The following MAP4K3 variants were observed in gnomAD, a reference collection of about 807,000 sequenced individuals.
MAP4K3 encodes the protein MAPK/ERK kinase kinase kinase 3.
MAP4K3 carries 94 observed loss-of-function variants against 143.5 expected under a neutral mutation model. The observed-to-expected ratio is 0.65, with a 90% CI of 0.55 to 0.78. The LOEUF (loss-of-function observed/expected upper bound fraction) is 0.78. Ranked by LOEUF, MAP4K3 falls within the 30% of genes least tolerant of loss-of-function variation. MAP4K3 has a pLI of 0.00. For missense variants in MAP4K3, 1,077 were observed against 1,068.1 expected, an observed-to-expected ratio of 1.01 and a Z score of -0.12; for synonymous variants, 416 against 347.2, an observed-to-expected ratio of 1.20 and a Z score of -2.20.
chr2:39,424,337 T>C (rs79023187), intron 1 of MAP4K3, among the ~76,000 whole-genome samples: 4,576 of 151,860 alleles, frequency 0.03, 239 homozygotes, highest in African/African-American at 0.1. Context: ...GGAGGGGAAT[T>C]AGAATCAAGG....
At chr2:39,387,938 C>T (rs1666553627) in intron 1 of MAP4K3, among the ~76,000 whole-genome samples, 1 of 152,166 alleles carries the variant, frequency 6.6e-6, no homozygotes, top group Non-Finnish European at 1.5e-5. Context: ...TCAAAAAATG[C>T]ACTTAGCAGA....
chr2:39,252,645 A>C (rs919978538), intron 32 of MAP4K3, among the ~76,000 whole-genome samples: 1 of 152,236 alleles, frequency 6.6e-6, no homozygotes, highest in Non-Finnish European at 1.5e-5. Flanking sequence ...TGAACACAAA[A>C]TATTATGAAT....
intron 1 of MAP4K3, among the ~76,000 whole-genome samples, chr2:39,417,815 A>G (rs1220844059): frequency 6.6e-6 from 1 of 152,166 alleles, no homozygotes; most frequent in East Asian, 1.9e-4. Flanking sequence ...AGAAGGAACC[A>G]GGGCTCCTTG....
At chr2:39,380,519 A>T (rs1050439207) in intron 1 of MAP4K3, among the ~76,000 whole-genome samples, 2 of 152,204 alleles carry the variant, frequency 1.3e-5, no homozygotes, top group Non-Finnish European at 2.9e-5. Flanking sequence ...TAGAAATTAT[A>T]AAATATTAGC....
chr2:39,370,295 T>G (rs1207501702), intron 2 of MAP4K3, among the ~76,000 whole-genome samples: 1 of 152,208 alleles, frequency 6.6e-6, no homozygotes, highest in East Asian at 1.9e-4. Context: ...GAAGAATAAT[T>G]ATCATGAATG....
At chr2:39,369,580 T>A (rs1666024906) in intron 2 of MAP4K3, among the ~76,000 whole-genome samples, 1 of 152,212 alleles carries the variant, frequency 6.6e-6, no homozygotes, top group Non-Finnish European at 1.5e-5. Context: ...AGTACTTTCA[T>A]ACTACCTTTG....
At chr2:39,411,533 T>C (rs1203434505) in intron 1 of MAP4K3, among the ~76,000 whole-genome samples, 2 of 152,232 alleles carry the variant, frequency 1.3e-5, no homozygotes, top group Non-Finnish European at 2.9e-5. Context: ...ATGCTTATGC[T>C]TAATGTCTTT....
At chr2:39,265,101 TA>T in intron 28 of MAP4K3, 101 bp downstream of exon 28, 1 of 871,658 alleles carries the variant, frequency 1.1e-6, no homozygotes, top group Non-Finnish European at 1.8e-6. Context: ...CTAAAATCAC[TA>T]AATTAACTTG....
intron 2 of MAP4K3, among the ~76,000 whole-genome samples, chr2:39,362,597 A>T (rs1665800860): frequency 6.6e-6 from 1 of 152,234 alleles, no homozygotes; most frequent in African/African-American, 2.4e-5. Flanking sequence ...GGACTGAAAG[A>T]GCATTGTTAA....
intron 1 of MAP4K3, among the ~76,000 whole-genome samples, chr2:39,430,604 C>G (rs772679884): frequency 1.7e-4 from 26 of 152,012 alleles, no homozygotes; most frequent in Non-Finnish European, 3.5e-4. Context: ...AGTCCTCTTC[C>G]TAAAAGCCCA....
rs138019364 is a variant in MAP4K3 at position 39,386,737 on chromosome 2, T to C, written c.97-8614A>G. ...TGTGGATCTATTTCTGGACCCCATGTTGATCTATATTGATCTAGTGATTGT... is the reference window on the plus strand; with the variant it reads ...TGTGGATCTATTTCTGGACCCCATGCTGATCTATATTGATCTAGTGATTGT... On this transcript the variant is annotated intron_variant, in intron 1 of 33. Coordinates refer to ENST00000263881, the MANE Select transcript of MAP4K3 (RefSeq NM_003618.4). Among the ~76,000 whole-genome samples the C allele has an allele frequency of 1.8e-4, 27 of 152,172 alleles. No individual in the cohort carries two copies. In the East Asian group the frequency reaches 3.5e-3, roughly 20 times the overall value.
chr2:39,412,572 A>C (rs951637603), intron 1 of MAP4K3, among the ~76,000 whole-genome samples: 3 of 152,224 alleles, frequency 2.0e-5, no homozygotes, highest in African/African-American at 7.2e-5. Context: ...ACAAACAAAC[A>C]AAAAATAAAA....
chr2:39,422,854 T>A (rs1287434672), intron 1 of MAP4K3, among the ~76,000 whole-genome samples: 2 of 152,074 alleles, frequency 1.3e-5, no homozygotes, highest in Non-Finnish European at 2.9e-5. Context: ...AAAATCTAAG[T>A]GACCATGGTC....
intron 13 of MAP4K3, among the ~76,000 whole-genome samples, chr2:39,314,272 C>G (rs1004198544): frequency 6.6e-6 from 1 of 152,114 alleles, no homozygotes; most frequent in African/African-American, 2.4e-5. Context: ...TCAAGTGATC[C>G]GCCCGCCTCG....
chr2:39,311,386 T>A (rs921459167), intron 13 of MAP4K3, among the ~76,000 whole-genome samples: 1 of 152,122 alleles, frequency 6.6e-6, no homozygotes, highest in Non-Finnish European at 1.5e-5. Context: ...GCTGAGACCA[T>A]CTTAATTCAG....
chr2:39,373,658 C>A (rs552475417), intron 2 of MAP4K3, among the ~76,000 whole-genome samples: 2 of 152,276 alleles, frequency 1.3e-5, no homozygotes, highest in African/African-American at 4.8e-5. Context: ...AACTGGAAGT[C>A]ATTATGTTAA....
intron 1 of MAP4K3, among the ~76,000 whole-genome samples, chr2:39,409,386 C>T (rs1286978272): frequency 1.3e-5 from 2 of 152,168 alleles, no homozygotes; most frequent in Non-Finnish European, 2.9e-5. Context: ...CTCCCCTAAC[C>T]TCTCTGTTGT....
intron 24 of MAP4K3, among the ~76,000 whole-genome samples, chr2:39,273,128 G>T (rs1322770462): frequency 6.6e-6 from 1 of 152,040 alleles, no homozygotes; most frequent in African/African-American, 2.4e-5. Flanking sequence ...ATCTCTGGAA[G>T]CCTGAAAGTG....
intron 4 of MAP4K3, 145 bp from the exon 5 acceptor site, chr2:39,337,726 C>A: frequency 2.0e-5 from 5 of 244,624 alleles, no homozygotes; most frequent in Non-Finnish European, 3.2e-5. Flanking sequence ...GCATGAATTA[C>A]TACTGTCCTA....
Sources: allele counts gnomAD v4.1 joint callset (sites outside exome capture counted in the v4.1 genomes callset), GRCh38; gene constraint gnomAD v4.1.1; transcripts MANE v1.5; gene names NCBI Gene and HGNC (gene_info 2026-07-23, HGNC 2026-07-21).